The following PRH1 variants were observed in gnomAD, a reference collection of about 807,000 sequenced individuals.
PRH1 encodes proline rich protein HaeIII subfamily 1.
Under a neutral mutation model 7.9 loss-of-function variants are expected in PRH1, and 7 were observed. That is an observed-to-expected ratio of 0.89 (90% CI 0.50 to 1.67). The LOEUF is 1.67. Among genes scored for constraint, PRH1 ranks in the 40% most tolerant of loss-of-function variants. The pLI, the probability that PRH1 is intolerant of heterozygous loss-of-function variation, is 0.00. For synonymous variants in PRH1, 45 were observed against 80.8 expected, an observed-to-expected ratio of 0.56 and a Z score of 2.38; for missense variants, 109 against 223.6, an observed-to-expected ratio of 0.49 and a Z score of 3.27.
At chr12:10,947,007 TTTGG>T (rs1391000793) in intron 2 of PRH1, among the ~76,000 whole-genome samples, 1 of 152,200 alleles carries the variant, frequency 6.6e-6, no homozygotes, top group Non-Finnish European at 1.5e-5. Context: ...TTGGTATGAT[TTTGG>T]TTATTTTACA....
chr12:10,992,504 C>A (rs561406591), intron 1 of PRH1, among the ~76,000 whole-genome samples: 3 of 152,108 alleles, frequency 2.0e-5, no homozygotes, highest in African/African-American at 7.2e-5. Flanking sequence ...ACTGCAGACT[C>A]AAATTCCTGG....
intron 1 of PRH1, chr12:11,006,371 CTTT>C (rs199571634): frequency 3.7e-4 from 46 of 123,204 alleles, no homozygotes; most frequent in Admixed American, 7.0e-4. Context: ...TTCTCCTTTT[CTTT>C]TTTTTTTTTT....
chr12:11,057,567 C>T (rs1565603318), intron 1 of PRH1, among the ~76,000 whole-genome samples: 1 of 152,238 alleles, frequency 6.6e-6, no homozygotes, highest in Non-Finnish European at 1.5e-5. Context: ...AGGAATGGAA[C>T]TGGTCACTGC....
At chr12:10,908,824 A>G in intron 2 of PRH1, 9 of 1,613,890 alleles carry the variant, frequency 5.6e-6, no homozygotes, top group East Asian at 2.2e-5. Context: ...TTTCTTTCAT[A>G]TCGGTCCAGC....
chr12:10,924,756 C>A (rs375672763), intron 2 of PRH1, among the ~76,000 whole-genome samples: 1 of 152,096 alleles, frequency 6.6e-6, no homozygotes, highest in Non-Finnish European at 1.5e-5. Flanking sequence ...AGGAATGTAT[C>A]CATTTCTTCT....
intron 1 of PRH1, among the ~76,000 whole-genome samples, chr12:11,024,770 C>CA: frequency 6.6e-6 from 1 of 152,190 alleles, no homozygotes; most frequent in Non-Finnish European, 1.5e-5. Flanking sequence ...TCATTTGCTA[C>CA]AATTCCTCTG....
At chr12:10,908,662 G>C (rs1461598813) in intron 2 of PRH1, 2 of 1,613,902 alleles carry the variant, frequency 1.2e-6, no homozygotes, top group Admixed American at 1.7e-5. Flanking sequence ...TAATTGAGTT[G>C]CATTTTCTGG....
intron 1 of PRH1, among the ~76,000 whole-genome samples, chr12:10,983,769 C>CAGA (rs1163828962): frequency 3.9e-5 from 6 of 152,204 alleles, no homozygotes; most frequent in African/African-American, 9.7e-5. Flanking sequence ...CTGTCTCTCT[C>CAGA]ATCTCATTGT....
At chr12:10,998,386 GC>G (rs1208101295) in intron 1 of PRH1, among the ~76,000 whole-genome samples, 1 of 152,046 alleles carries the variant, frequency 6.6e-6, no homozygotes, top group Non-Finnish European at 1.5e-5. Flanking sequence ...TATTTTTAAA[GC>G]CAGATTTAAA....
At chr12:11,015,427 C>T (rs1941246204) in intron 1 of PRH1, among the ~76,000 whole-genome samples, 1 of 152,158 alleles carries the variant, frequency 6.6e-6, no homozygotes, top group Non-Finnish European at 1.5e-5. Context: ...ACTTCCATTG[C>T]TGCTCAGAAA....
At chr12:10,996,297 C>T (rs147651602) in intron 1 of PRH1, among the ~76,000 whole-genome samples, 428 of 151,796 alleles carry the variant, frequency 2.8e-3, no homozygotes, top group Non-Finnish European at 4.2e-3. Context: ...CTACTGCATT[C>T]CAGCCTGGAC....
intron 1 of PRH1, chr12:10,997,170 T>G (rs10845281): frequency 6.2e-7 from 1 of 1,613,876 alleles, no homozygotes; most frequent in African/African-American, 1.3e-5. Flanking sequence ...GCAAGTAATA[T>G]GAGGAAGGAG....
intron 1 of PRH1, among the ~76,000 whole-genome samples, chr12:10,975,410 G>A (rs973870142): frequency 3.3e-5 from 5 of 152,112 alleles, no homozygotes; most frequent in African/African-American, 1.2e-4. Flanking sequence ...GCCTCACAAG[G>A]GGTCCTGAAG....
At chr12:11,035,483 A>G (rs1310780658) in intron 1 of PRH1, among the ~76,000 whole-genome samples, 9 of 152,244 alleles carry the variant, frequency 5.9e-5, no homozygotes, top group African/African-American at 1.9e-4. Flanking sequence ...TTTTAGAAGT[A>G]GAAATGAACT....
intron 1 of PRH1, chr12:10,996,599 A>C (rs918801534): frequency 6.0e-6 from 1 of 167,440 alleles, no homozygotes; most frequent in African/African-American, 2.4e-5. Flanking sequence ...AAATTCCTCA[A>C]ATGAAATATC....
intron 1 of PRH1, among the ~76,000 whole-genome samples, chr12:11,150,115 G>A (rs1325933360): frequency 3.3e-5 from 5 of 151,046 alleles, no homozygotes; most frequent in Admixed American, 2.0e-4. Context: ...CAAAACCACA[G>A]TGAGATACCA....
chr12:11,089,123 T>G (rs1277728892), intron 1 of PRH1, among the ~76,000 whole-genome samples: 1 of 115,256 alleles, frequency 8.7e-6, no homozygotes, highest in Non-Finnish European at 2.1e-5. Context: ...AACATGTGCT[T>G]TCTTAGATTC....
At chr12:11,163,457 G>A (rs1021758388) in intron 1 of PRH1, among the ~76,000 whole-genome samples, 1 of 152,162 alleles carries the variant, frequency 6.6e-6, no homozygotes, top group East Asian at 1.9e-4. Flanking sequence ...TTTATCTCCA[G>A]AAGGATATAT....
intron 2 of PRH1, chr12:10,929,144 C>T (rs1211405188): frequency 5.7e-5 from 63 of 1,102,708 alleles, no homozygotes; most frequent in Non-Finnish European, 8.2e-5. Flanking sequence ...AAGCAGAACC[C>T]AGTCTCTGAG....
Sources: gnomAD v4.1 joint callset for allele counts (sites outside exome capture counted in the v4.1 genomes callset) on GRCh38, gnomAD v4.1.1 for gene constraint, MANE v1.5 for transcripts, NCBI Gene and HGNC (gene_info 2026-07-23, HGNC 2026-07-21) for gene names.